The following COPG2 variants were observed in gnomAD, a reference collection of about 807,000 sequenced individuals.
COPG2 encodes coatomer subunit gamma-2.
COPG2 carries 37 observed loss-of-function variants against 46.3 expected under a neutral mutation model. The ratio of observed to expected loss-of-function variants is 0.80; its 90% CI spans 0.61 to 1.05. COPG2 has a LOEUF of 1.05. COPG2 is among the 50% of genes least tolerant of loss of function. COPG2 has a pLI of 0.00. For synonymous variants in COPG2, 159 were observed against 129.7 expected (o/e 1.23, Z -1.53); for missense variants, 427 against 387.8 (o/e 1.10, Z -0.85).
intron 4 of COPG2, among the ~76,000 whole-genome samples, chr7:130,662,392 C>T (rs1795996653): frequency 6.6e-6 from 1 of 152,112 alleles, no homozygotes; most frequent in South Asian, 2.1e-4. Context: ...AAATACATAT[C>T]CCAGAATTAC....
intron 8 of COPG2, 63 bp downstream of exon 8, chr7:130,612,089 C>T (rs1211761286): frequency 1.7e-6 from 2 of 1,146,120 alleles, no homozygotes; most frequent in Admixed American, 1.8e-5. Context: ...ATACACTGCC[C>T]CTACAATACA....
intron 9 of COPG2, among the ~76,000 whole-genome samples, chr7:130,579,260 T>A: frequency 7.0e-6 from 1 of 143,596 alleles, no homozygotes; most frequent in South Asian, 2.4e-4. Flanking sequence ...GCTTCATAAG[T>A]GAAGAAGAAA....
At position 130,506,813 on chromosome 7, in the gene COPG2, G is replaced by A. The variant is rs1554440203; in HGVS notation, c.2486-7C>T. On this transcript the variant is annotated splice_polypyrimidine_tract_variant and splice_region_variant and intron_variant, in intron 23 of 23. Transcript: ENST00000425248. ...TAGCCACCTCTGAATATACCTGAGA[G>A]AAAAAAGTAAGGAAAACCATATTAA... The A allele has an allele frequency of 2.6e-6, 2 of 765,838 alleles. No homozygotes were observed. Among genetic ancestry groups the A allele is most frequent in the Admixed American group, 1.8e-5 (1 of 55,270 alleles). 47.4% of individuals were successfully genotyped at this position (765,838 alleles called of 1,614,324 possible).
intron 5 of COPG2, among the ~76,000 whole-genome samples, chr7:130,646,679 A>G (rs1554458236): frequency 6.6e-6 from 1 of 151,874 alleles, no homozygotes. Context: ...TGATTGGATC[A>G]TGGGGGCAGT....
At chr7:130,620,092 T>C (rs1473287042) in intron 5 of COPG2, among the ~76,000 whole-genome samples, 1 of 152,236 alleles carries the variant, frequency 6.6e-6, no homozygotes, top group Non-Finnish European at 1.5e-5. Context: ...TACGTAGCTA[T>C]GTTTTTAAAA....
At chr7:130,530,052 G>C (rs1234506737) in intron 20 of COPG2, among the ~76,000 whole-genome samples, 6 of 152,112 alleles carry the variant, frequency 3.9e-5, no homozygotes, top group Admixed American at 3.9e-4. Flanking sequence ...TCAGGGTGTC[G>C]GGTGCTGGGA....
intron 9 of COPG2, chr7:130,610,517 C>G: frequency 1.9e-6 from 1 of 519,710 alleles, no homozygotes; most frequent in African/African-American, 1.9e-5. Context: ...CTGCCCTTCC[C>G]TAGCCTTCGA....
chr7:130,536,432 A>G (rs924073910), intron 20 of COPG2, among the ~76,000 whole-genome samples: 1 of 152,164 alleles, frequency 6.6e-6, no homozygotes, highest in East Asian at 1.9e-4. Context: ...GGCCTATCCA[A>G]TCATCAGAGG....
intron 20 of COPG2, among the ~76,000 whole-genome samples, chr7:130,541,093 C>T (rs1799931625): frequency 6.6e-6 from 1 of 152,090 alleles, no homozygotes; most frequent in East Asian, 1.9e-4. Context: ...TGCAGTGGGG[C>T]TGATGGAGGC....
At chr7:130,556,942 T>C (rs1446799156) in intron 12 of COPG2, among the ~76,000 whole-genome samples, 4 of 152,276 alleles carry the variant, frequency 2.6e-5, no homozygotes, top group East Asian at 1.9e-4. Context: ...GGCATTCCCA[T>C]TGAGGTCAGA....
intron 20 of COPG2, among the ~76,000 whole-genome samples, chr7:130,510,489 A>T (rs2116328948): frequency 1.3e-5 from 2 of 152,224 alleles, no homozygotes; most frequent in East Asian, 3.9e-4. Flanking sequence ...GTCAGGAGAG[A>T]CATTAATTAT....
intron 20 of COPG2, among the ~76,000 whole-genome samples, chr7:130,540,258 C>T (rs1799923432): frequency 6.6e-6 from 1 of 151,884 alleles, no homozygotes; most frequent in Non-Finnish European, 1.5e-5. Flanking sequence ...CTGGGGTAGC[C>T]GTCTAAATCC....
Position 130,510,799 on chromosome 7 carries a change from C to G in COPG2, c.2150-2140G>C, listed in dbSNP as rs1799582159. On this transcript the variant is annotated intron_variant, in intron 20 of 23. Coordinates refer to ENST00000425248, the MANE Select transcript of COPG2 (RefSeq NM_012133.6). Reference sequence around the variant, plus strand: ...GATCTAAGGAAGTCTAGGCAGTAATCTGTCGAAGCTGCTGGAGAGGATGAC... The same window carrying G: ...GATCTAAGGAAGTCTAGGCAGTAATGTGTCGAAGCTGCTGGAGAGGATGAC... The G allele has an allele frequency of 2.0e-5, 8 of 409,642 alleles. No individual in the cohort carries two copies. In the Admixed American group the frequency reaches 2.5e-4, roughly 13 times the overall value. 25.4% of individuals were successfully genotyped at this position (409,642 alleles called of 1,614,324 possible).
chr7:130,637,800 C>A (rs1488825186), intron 5 of COPG2, among the ~76,000 whole-genome samples: 1 of 152,166 alleles, frequency 6.6e-6, no homozygotes, highest in Non-Finnish European at 1.5e-5. Context: ...GGAGAAGAGG[C>A]ATTCTGGTTT....
At chr7:130,526,563 C>T (rs968842789) in intron 20 of COPG2, among the ~76,000 whole-genome samples, 2 of 151,694 alleles carry the variant, frequency 1.3e-5, no homozygotes, top group Non-Finnish European at 2.9e-5. Context: ...GGGCAGAAAG[C>T]GTGGTGGAAG....
At chr7:130,653,138 T>G (rs1795781114) in intron 4 of COPG2, among the ~76,000 whole-genome samples, 190 bp from the exon 5 acceptor site, 1 of 152,194 alleles carries the variant, frequency 6.6e-6, no homozygotes, top group South Asian at 2.1e-4. Context: ...TAAACACAAC[T>G]GATGCATTGA....
At chr7:130,537,660 G>A (rs1387453842) in intron 20 of COPG2, among the ~76,000 whole-genome samples, 3 of 152,226 alleles carry the variant, frequency 2.0e-5, no homozygotes, top group African/African-American at 7.2e-5. Flanking sequence ...ATGGAGGCCA[G>A]CAGCTTACAG....
chr7:130,562,266 T>A (rs1793732106), intron 11 of COPG2, among the ~76,000 whole-genome samples: 1 of 151,872 alleles, frequency 6.6e-6, no homozygotes, highest in South Asian at 2.1e-4. Context: ...GGCTGAGGCA[T>A]GAGAATCGCT....
intron 9 of COPG2, among the ~76,000 whole-genome samples, chr7:130,597,580 T>C (rs1357173360): frequency 2.0e-5 from 3 of 152,072 alleles, no homozygotes; most frequent in African/African-American, 2.4e-5. Context: ...GTGGCCCTAA[T>C]TGGAATTATC....
Sources: allele counts gnomAD v4.1 joint callset (sites outside exome capture counted in the v4.1 genomes callset), GRCh38; gene constraint gnomAD v4.1.1; transcripts MANE v1.5; gene names NCBI Gene and HGNC (gene_info 2026-07-23, HGNC 2026-07-21).